Variants in NRG3 observed in about 807,000 individuals in gnomAD.
The protein encoded by NRG3 is neuregulin 3, also known as pro-neuregulin-3, membrane-bound isoform.
NRG3 carries 31 observed loss-of-function variants against 66.9 expected under a neutral mutation model. That is an observed-to-expected ratio of 0.46 (90% CI 0.35 to 0.63). The LOEUF (loss-of-function observed/expected upper bound fraction) is 0.63, where lower values mean the gene tolerates loss of function less well. NRG3 is among the 20% of genes least tolerant of loss of function. The probability of loss-of-function intolerance (pLI) is 0.00; values close to 1 mark genes in which losing one functional copy is unlikely to be tolerated. For synonymous variants in NRG3, 393 were observed against 359.4 expected, an observed-to-expected ratio of 1.09 and a Z score of -1.06; for missense variants, 910 against 878.9, an observed-to-expected ratio of 1.04 and a Z score of -0.45.
chr10:82,003,621 G>A (rs1397450728), intron 1 of NRG3, among the ~76,000 whole-genome samples: 3 of 152,180 alleles, frequency 2.0e-5, no homozygotes, highest in South Asian at 2.1e-4. Flanking sequence ...GTTTAAAGTC[G>A]AGAAGGATGC....
chr10:82,460,975 T>C (rs1217601600), intron 2 of NRG3, among the ~76,000 whole-genome samples: 1 of 152,208 alleles, frequency 6.6e-6, no homozygotes, highest in Non-Finnish European at 1.5e-5. Flanking sequence ...GTTATACTTC[T>C]TTATGTGCTC....
Position 82,729,789 on chromosome 10 carries a change from G to A in NRG3, c.954-8788G>A, listed in dbSNP as rs143625028. ...ACTAAAAGTGACCAATGAAGTGTACGGCTAGCTGCTGGACACAAGTCCCTG... is the reference window on the plus strand; with the variant it reads ...ACTAAAAGTGACCAATGAAGTGTACAGCTAGCTGCTGGACACAAGTCCCTG... On this transcript the variant is annotated intron_variant, in intron 2 of 8. Transcript: ENST00000372141. Among the ~76,000 whole-genome samples the A allele has an allele frequency of 5.3e-5, 8 of 152,260 alleles. No individual in the cohort carries two copies. In the East Asian group the frequency reaches 7.7e-4, roughly 15 times the overall value.
At chr10:82,502,231 T>A (rs778567715) in intron 2 of NRG3, among the ~76,000 whole-genome samples, 2 of 152,194 alleles carry the variant, frequency 1.3e-5, no homozygotes, top group Admixed American at 6.5e-5. Context: ...CTTGCCAGGT[T>A]CTGGAGTCCT....
chr10:82,339,196 A>G (rs1324513092), intron 1 of NRG3, among the ~76,000 whole-genome samples: 1 of 152,246 alleles, frequency 6.6e-6, no homozygotes, highest in East Asian at 1.9e-4. Flanking sequence ...CCTGTTTTAA[A>G]CAAATGTGAC....
chr10:82,887,133 C>T (rs1259274515), intron 4 of NRG3, among the ~76,000 whole-genome samples: 1 of 152,162 alleles, frequency 6.6e-6, no homozygotes, highest in Non-Finnish European at 1.5e-5. Flanking sequence ...TTGTTATTTT[C>T]AAAGGGTGTT....
At chr10:82,141,714 T>C (rs186353084) in intron 1 of NRG3, among the ~76,000 whole-genome samples, 4 of 152,310 alleles carry the variant, frequency 2.6e-5, no homozygotes, top group African/African-American at 9.6e-5. Context: ...TGCTGAATCT[T>C]TCTAGTCAAT....
At chr10:81,965,962 T>C (rs561326858) in intron 1 of NRG3, among the ~76,000 whole-genome samples, 203 of 152,194 alleles carry the variant, frequency 1.3e-3, no homozygotes, top group Admixed American at 3.2e-3. Context: ...TTGTATTGTT[T>C]TGAACATTAA....
At chr10:82,707,566 T>C (rs532381198) in intron 2 of NRG3, among the ~76,000 whole-genome samples, 1,081 of 47,410 alleles carry the variant, frequency 0.023, 14 homozygotes, top group African/African-American at 0.038. Flanking sequence ...ATTGTTTGTT[T>C]TTGTTTTTGT....
At chr10:82,899,547 T>G (rs779809711) in intron 4 of NRG3, among the ~76,000 whole-genome samples, 2 of 152,336 alleles carry the variant, frequency 1.3e-5, no homozygotes, top group South Asian at 4.1e-4. Context: ...ACCTGTGCAT[T>G]TCTTAGAATC....
chr10:82,689,850 C>G (rs547386544), intron 2 of NRG3, among the ~76,000 whole-genome samples: 27 of 152,254 alleles, frequency 1.8e-4, no homozygotes, highest in African/African-American at 6.5e-4. Context: ...GTTTGTAAGA[C>G]TAAATAGACT....
At chr10:82,246,828 C>T (rs1426889072) in intron 1 of NRG3, among the ~76,000 whole-genome samples, 2 of 152,074 alleles carry the variant, frequency 1.3e-5, no homozygotes, top group Non-Finnish European at 2.9e-5. Context: ...TGCTGGCCCA[C>T]CTGCTATGTG....
In NRG3 at chr10:81,956,415, T is replaced by C. The variant is rs76881760; in HGVS notation, c.823+80252T>C. On this transcript the variant is annotated intron_variant, in intron 1 of 8. Coordinates refer to ENST00000372141, the MANE Select transcript of NRG3 (RefSeq NM_001010848.4). ...TTAAAATCATTCCTACCTCTAGCTTTTGAGTCATTTGGTGATGGTCCATAC... is the reference window on the plus strand; with the variant it reads ...TTAAAATCATTCCTACCTCTAGCTTCTGAGTCATTTGGTGATGGTCCATAC... Among the ~76,000 whole-genome samples the C allele has an allele frequency of 5.4e-3, 828 of 152,348 alleles. 13 individuals are homozygous for C. Among genetic ancestry groups the C allele is most frequent in the African/African-American group, 0.018 (761 of 41,584 alleles).
intron 1 of NRG3, among the ~76,000 whole-genome samples, chr10:81,971,786 T>C (rs187785039): frequency 7.9e-5 from 12 of 152,264 alleles, no homozygotes; most frequent in Admixed American, 7.2e-4. Flanking sequence ...GTGGCTAGAA[T>C]GCACAGGACA....
At chr10:82,881,038 G>T (rs1842256985) in intron 4 of NRG3, among the ~76,000 whole-genome samples, 1 of 152,194 alleles carries the variant, frequency 6.6e-6, no homozygotes, top group Non-Finnish European at 1.5e-5. Flanking sequence ...ATAAGAGTGT[G>T]CTTTGTGTCC....
intron 1 of NRG3, among the ~76,000 whole-genome samples, chr10:81,994,282 C>T (rs2060849377): frequency 1.3e-5 from 2 of 151,920 alleles, no homozygotes; most frequent in Admixed American, 1.3e-4. Flanking sequence ...TGGATTTCTC[C>T]CTAATGTCCC....
chr10:82,711,570 A>T (rs550533422), intron 2 of NRG3, among the ~76,000 whole-genome samples: 1,690 of 147,476 alleles, frequency 0.011, 15 homozygotes, highest in Non-Finnish European at 0.017. Flanking sequence ...TGTGTGTGTG[A>T]GATGGTGCAT....
chr10:82,921,242 C>G (rs1846392858), intron 4 of NRG3, among the ~76,000 whole-genome samples: 1 of 152,030 alleles, frequency 6.6e-6, no homozygotes, highest in Non-Finnish European at 1.5e-5. Context: ...CAGCCAAGTC[C>G]CGATTGAGGA....
chr10:82,676,403 C>T (rs2053686802), intron 2 of NRG3, among the ~76,000 whole-genome samples: 1 of 152,136 alleles, frequency 6.6e-6, no homozygotes, highest in Admixed American at 6.5e-5. Flanking sequence ...AGGGGACCGC[C>T]CCCAGCCACC....
intron 2 of NRG3, among the ~76,000 whole-genome samples, chr10:82,414,371 G>T (rs770876641): frequency 5.9e-5 from 9 of 152,064 alleles, no homozygotes; most frequent in Non-Finnish European, 1.0e-4. Flanking sequence ...TCTTATATGG[G>T]CATGGTTTGT....
Sources: allele counts gnomAD v4.1 joint callset (sites outside exome capture counted in the v4.1 genomes callset), GRCh38; gene constraint gnomAD v4.1.1; transcripts MANE v1.5; gene names NCBI Gene and HGNC (gene_info 2026-07-23, HGNC 2026-07-21).